GPC5: variants seen among roughly 807,000 people sequenced by gnomAD.
GPC5 encodes the protein glypican-5.
Under a neutral mutation model 53.9 loss-of-function variants are expected in GPC5, and 47 were observed. The ratio of observed to expected loss-of-function variants is 0.87; its 90% confidence interval spans 0.69 to 1.11. GPC5 has a LOEUF of 1.11. Ranked by LOEUF, GPC5 falls within the 50% of genes most tolerant of loss-of-function variation. The pLI is 0.00. For missense variants in GPC5, 748 were observed against 713.1 expected (o/e 1.05, Z -0.56); for synonymous variants, 286 against 263.3 (o/e 1.09, Z -0.84).
intron 7 of GPC5, among the ~76,000 whole-genome samples, chr13:92,335,665 G>A (rs1178843113): frequency 6.6e-6 from 1 of 152,112 alleles, no homozygotes; most frequent in Non-Finnish European, 1.5e-5. Flanking sequence ...TCATCTGTCA[G>A]ATACCCTAAA....
intron 6 of GPC5, among the ~76,000 whole-genome samples, chr13:92,017,671 C>G (rs185178565): frequency 1.3e-5 from 2 of 152,146 alleles, no homozygotes; most frequent in Non-Finnish European, 2.9e-5. Flanking sequence ...GTGCACAGTG[C>G]CTTTTAGAAA....
rs1453334049 is a variant in GPC5, at chr13:91,448,762, A to G, written c.165A>G (p.Gly55=). Residue 55 remains glycine, a splice_region_variant and synonymous_variant, in exon 2 of 8, where the codon GGA becomes GGG. Coordinates refer to ENST00000377067, the MANE Select transcript of GPC5 (RefSeq NM_004466.6). ...VRGLPDSPRA[G]PDLQVCISKK... The stretch of plus-strand genomic sequence containing the variant: ...TCTGAAAAATGTTGTGTGTTCCAGG[A>G]CCTGATCTTCAGGTTTGCATATCCA... 3 of 1,612,042 alleles carry G rather than the reference A, an allele frequency of 1.9e-6. No individual in the cohort carries two copies. In the Admixed American group the frequency reaches 5.0e-5, roughly 27 times the overall value.
At chr13:92,669,889 C>T (rs1270358726) in intron 7 of GPC5, among the ~76,000 whole-genome samples, 6 of 152,178 alleles carry the variant, frequency 3.9e-5, no homozygotes, top group South Asian at 2.1e-4. Context: ...AGAGTGACAC[C>T]TCTGGGACAA....
At chr13:92,079,397 G>GCTC (rs1463591643) in intron 6 of GPC5, among the ~76,000 whole-genome samples, 1 of 152,150 alleles carries the variant, frequency 6.6e-6, no homozygotes, top group African/African-American at 2.4e-5. Context: ...ATCACCTAGT[G>GCTC]CTCTCCCTTC....
At chr13:92,146,849 T>G (rs1207275676) in intron 7 of GPC5, among the ~76,000 whole-genome samples, 3 of 152,112 alleles carry the variant, frequency 2.0e-5, no homozygotes, top group African/African-American at 7.2e-5. Context: ...TTCATTCCCT[T>G]TATGGCTGAA....
rs2039113114 is a variant in GPC5, at chr13:91,868,865, A to G, written c.1281-39072A>G. On this transcript the variant is annotated intron_variant, in intron 5 of 7. Transcript: ENST00000377067. The stretch of plus-strand genomic sequence containing the variant: ...GGTCAGGAACAGAGGAATGGGTGAC[A>G]TAGTACAGAGACACTATATGCAGTG... Among the ~76,000 whole-genome samples the G allele has an allele frequency of 3.3e-5, 5 of 152,334 alleles. No individual in the cohort carries two copies. In the South Asian group the frequency reaches 8.3e-4, roughly 25 times the overall value.
At chr13:92,327,566 G>C (rs1367589266) in intron 7 of GPC5, among the ~76,000 whole-genome samples, 1 of 152,098 alleles carries the variant, frequency 6.6e-6, no homozygotes, top group Non-Finnish European at 1.5e-5. Context: ...AGAATAGCTT[G>C]TTTCATTTCT....
intron 6 of GPC5, among the ~76,000 whole-genome samples, chr13:92,129,546 C>T (rs2041726856): frequency 6.6e-6 from 1 of 152,166 alleles, no homozygotes; most frequent in African/African-American, 2.4e-5. Flanking sequence ...CACAGATTCA[C>T]AGTTCAGAAT....
chr13:91,811,318 G>A (rs1225196340), intron 5 of GPC5, among the ~76,000 whole-genome samples: 1 of 152,024 alleles, frequency 6.6e-6, no homozygotes, highest in Admixed American at 6.5e-5. Flanking sequence ...TAACAGGGAA[G>A]ACAGATAAGT....
intron 7 of GPC5, among the ~76,000 whole-genome samples, chr13:92,527,351 G>A (rs924378693): frequency 1.3e-5 from 2 of 152,056 alleles, no homozygotes; most frequent in South Asian, 2.1e-4. Context: ...TCCAACAGAG[G>A]AGGAAAAGGC....
intron 6 of GPC5, among the ~76,000 whole-genome samples, chr13:92,034,389 T>C (rs2040876970): frequency 6.6e-6 from 1 of 152,028 alleles, no homozygotes; most frequent in African/African-American, 2.4e-5. Flanking sequence ...TCCCAGCTAT[T>C]TGGGAGGCTC....
intron 2 of GPC5, among the ~76,000 whole-genome samples, chr13:91,674,337 A>G (rs944331606): frequency 6.6e-6 from 1 of 151,726 alleles, no homozygotes; most frequent in Non-Finnish European, 1.5e-5. Flanking sequence ...GCCCAAGGCA[A>G]TATTTTCTCC....
At chr13:91,964,314 T>G (rs916620709) in intron 6 of GPC5, among the ~76,000 whole-genome samples, 6 of 152,154 alleles carry the variant, frequency 3.9e-5, no homozygotes, top group African/African-American at 9.7e-5. Context: ...TGGTGTGGGC[T>G]CCGTGGCCTG....
At chr13:91,571,845 G>GTATATATACACACACATACGTGTGTGTA (rs762061171) in intron 2 of GPC5, among the ~76,000 whole-genome samples, 3 of 92,556 alleles carry the variant, frequency 3.2e-5, no homozygotes, top group African/African-American at 1.6e-4. Context: ...ATACTTGTGT[G>GTATATATACACACACATACGTGTGTGTA]TATATACACA....
intron 7 of GPC5, among the ~76,000 whole-genome samples, chr13:92,627,431 C>T (rs9523734): frequency 0.36 from 54,081 of 152,054 alleles, 12,113 homozygotes; most frequent in East Asian, 0.68. Context: ...CCTTAGCCAC[C>T]GTGCTTTTGG....
intron 5 of GPC5, among the ~76,000 whole-genome samples, chr13:91,791,603 CATCAACAATTACAT>C (rs2037965003): frequency 1.5e-5 from 1 of 65,788 alleles, no homozygotes; most frequent in Non-Finnish European, 2.8e-5. Context: ...AATTGCTTTA[CATCAACAATTACAT>C]GTTGATGTTT....
chr13:92,788,209 A>G (rs1475204056), intron 7 of GPC5, among the ~76,000 whole-genome samples: 1 of 152,174 alleles, frequency 6.6e-6, no homozygotes, highest in Non-Finnish European at 1.5e-5. Flanking sequence ...ATTTACAAGA[A>G]ATAGGAACAT....
At chr13:91,492,890 C>A (rs963194896) in intron 2 of GPC5, among the ~76,000 whole-genome samples, 10 of 152,160 alleles carry the variant, frequency 6.6e-5, no homozygotes, top group Admixed American at 6.6e-4. Flanking sequence ...ACCAAAACAA[C>A]TCCAAAATGT....
intron 6 of GPC5, among the ~76,000 whole-genome samples, chr13:91,942,208 T>C (rs1272384175): frequency 1.3e-5 from 2 of 152,062 alleles, no homozygotes; most frequent in Admixed American, 1.3e-4. Context: ...TCTTTAAGGA[T>C]CCCATATTTA....
Sources: gnomAD v4.1 joint callset for allele counts (sites outside exome capture counted in the v4.1 genomes callset) on GRCh38, gnomAD v4.1.1 for gene constraint, MANE v1.5 for transcripts, NCBI Gene and HGNC (gene_info 2026-07-23, HGNC 2026-07-21) for gene names.